The following PVT1 variants were observed in gnomAD, a reference collection of about 807,000 sequenced individuals.
PVT1 encodes CXCR4/PVT1 fusion.
Position 127,943,480 on chromosome 8 carries a change from C to T in PVT1, n.783-45682C>T, listed in dbSNP as rs551867916. Among the ~76,000 whole-genome samples, 57 of 152,310 alleles carry T rather than the reference C, an allele frequency of 3.7e-4. 2 individuals carry two copies. The South Asian group carries it at 0.012, about 31-fold the overall frequency. Reference sequence around the variant, plus strand: ...AGGTAGGGTCTACAGCAGAGTTTCTCAGCCTTGGCGCTGTTCATATTTTGG... The same window carrying T: ...AGGTAGGGTCTACAGCAGAGTTTCTTAGCCTTGGCGCTGTTCATATTTTGG... On this transcript the variant is annotated intron_variant and non_coding_transcript_variant, in intron 3 of 10. Transcript: ENST00000651587.
intron 3 of PVT1, among the ~76,000 whole-genome samples, chr8:127,972,554 A>G (rs1254876600): frequency 1.3e-5 from 2 of 152,096 alleles, no homozygotes; most frequent in Admixed American, 6.5e-5. Flanking sequence ...CCTGACCAAC[A>G]TGGTGCAACC....
At chr8:127,890,290 TCTC>T (rs1296227635) in intron 2 of PVT1, among the ~76,000 whole-genome samples, 1 of 152,084 alleles carries the variant, frequency 6.6e-6, no homozygotes, top group Non-Finnish European at 1.5e-5. Flanking sequence ...TCACAAACAT[TCTC>T]CTCTCAACTT....
chr8:127,859,923 T>A (rs1387451500), intron 2 of PVT1, among the ~76,000 whole-genome samples: 1 of 151,834 alleles, frequency 6.6e-6, no homozygotes, highest in East Asian at 2.0e-4. Flanking sequence ...TGAGGGGAGA[T>A]CACTTTCTCT....
intron 2 of PVT1, among the ~76,000 whole-genome samples, chr8:127,874,023 G>T (rs1223358084): frequency 6.6e-6 from 1 of 152,216 alleles, no homozygotes; most frequent in East Asian, 1.9e-4. Context: ...TGTAGTCACT[G>T]TCCTCAAGCT....
chr8:127,949,379 C>CTGTGTGTGTGTGTGTGTGTGTGTGTG lies in PVT1; in HGVS notation n.783-39763_783-39738dup, dbSNP rs61425056. On this transcript the variant is annotated intron_variant and non_coding_transcript_variant, in intron 3 of 10. Transcript: ENST00000651587. ...GTTTGGAATGTTTGAACTCCAGGAG[C>CTGTGTGTGTGTGTGTGTGTGTGTGTG]TGTGTGTGTGTGTGTGTGTGTGTGT... Among the ~76,000 whole-genome samples, 15 of 111,322 alleles carry CTGTGTGTGTGTGTGTGTGTGTGTGTG rather than the reference C, an allele frequency of 1.3e-4. No homozygotes were observed. In the East Asian group the frequency reaches 1.8e-3, roughly 14 times the overall value. 73.0% of individuals were successfully genotyped at this position (111,322 alleles called of 152,430 possible).
intron 3 of PVT1, among the ~76,000 whole-genome samples, chr8:127,965,862 C>G (rs1195584277): frequency 6.6e-6 from 1 of 152,162 alleles, no homozygotes; most frequent in Non-Finnish European, 1.5e-5. Context: ...TCCATCCTAC[C>G]TTCCTGATGA....
chr8:127,981,374 C>G lies in PVT1; in HGVS notation n.783-7788C>G, dbSNP rs74831141. On this transcript the variant is annotated intron_variant and non_coding_transcript_variant, in intron 3 of 10. Transcript: ENST00000651587. ...TGCCAGTAGAGTTCGGCATTTTTTCCTGGCGCGTTCACCTCCTGACAGGGC... is the reference window on the plus strand; with the variant it reads ...TGCCAGTAGAGTTCGGCATTTTTTCGTGGCGCGTTCACCTCCTGACAGGGC... 2.6e-3 allele frequency among the ~76,000 whole-genome samples: 393 copies of G among 152,276 alleles called. 10 individuals are homozygous for G. The East Asian group carries it at 0.063, about 24-fold the overall frequency.
At chr8:128,051,374 A>G (rs1813693287) in intron 4 of PVT1, among the ~76,000 whole-genome samples, 1 of 152,168 alleles carries the variant, frequency 6.6e-6, no homozygotes, top group Non-Finnish European at 1.5e-5. Context: ...CCATAATTTT[A>G]TCTTTAACTT....
chr8:127,898,314 G>T lies in PVT1; in HGVS notation n.782+7316G>T, dbSNP rs771118459. 6.6e-6 allele frequency among the ~76,000 whole-genome samples: 1 copy of T among 151,726 alleles called. No individual in the cohort carries two copies. Among genetic ancestry groups the T allele is most frequent in the African/African-American group, 2.4e-5 (1 of 41,412 alleles). On this transcript the variant is annotated intron_variant and non_coding_transcript_variant, in intron 3 of 10. Transcript: ENST00000651587. This position sits in a 1 kb window ranked among gnomAD's most constrained non-coding sequence, Gnocchi z 4.4. ...AAAGAAATAAAATAATGTAAAGAAA[G>T]AAAATAATGTAAAGAAAGAAAAGAA...
At chr8:127,878,192 A>C (rs114536129) in intron 2 of PVT1, among the ~76,000 whole-genome samples, 1,781 of 152,080 alleles carry the variant, frequency 0.012, 36 homozygotes, top group African/African-American at 0.041. Flanking sequence ...GAAAAAAAAA[A>C]CCCCACAAAT....
intron 4 of PVT1, among the ~76,000 whole-genome samples, chr8:128,003,024 A>T (rs538023800): frequency 5.2e-4 from 55 of 105,466 alleles, no homozygotes; most frequent in Non-Finnish European, 8.9e-4. Flanking sequence ...TTTTTGACGG[A>T]GTCCTGCTCT....
chr8:127,796,932 A>G (rs545093744), intron 2 of PVT1, among the ~76,000 whole-genome samples: 42 of 143,176 alleles, frequency 2.9e-4, no homozygotes, highest in Non-Finnish European at 5.6e-4. Flanking sequence ...AGGCTGGAGT[A>G]AAATGGCTGG....
At chr8:127,828,048 G>T (rs1363928449) in intron 2 of PVT1, among the ~76,000 whole-genome samples, 1 of 152,104 alleles carries the variant, frequency 6.6e-6, no homozygotes, top group Non-Finnish European at 1.5e-5. Flanking sequence ...CATTCAAAAT[G>T]AAAATAGCTT....
At chr8:127,812,502 G>A (rs1056311540) in intron 2 of PVT1, among the ~76,000 whole-genome samples, 1 of 151,744 alleles carries the variant, frequency 6.6e-6, no homozygotes, top group Non-Finnish European at 1.5e-5. Flanking sequence ...TGAGGCTGCA[G>A]TGACCTATGT....
At position 127,817,655 on chromosome 8, in the gene PVT1, G is replaced by T. The variant is rs1455952470; in HGVS notation, n.372+21584G>T. On this transcript the variant is annotated intron_variant and non_coding_transcript_variant, in intron 2 of 10. Transcript: ENST00000651587. ...CCAGCACTTTGGGAGGCTGAGGCAG[G>T]AGAGTCACTTGAGCTCAGGAGTGGG... Among the ~76,000 whole-genome samples, 6 of 148,950 alleles carry T rather than the reference G, an allele frequency of 4.0e-5. No homozygotes were observed. The Admixed American group carries it at 4.1e-4, about 10-fold the overall frequency.
intron 4 of PVT1, among the ~76,000 whole-genome samples, chr8:128,038,817 C>A (rs1478948613): frequency 3.3e-5 from 5 of 152,120 alleles, no homozygotes; most frequent in Non-Finnish European, 5.9e-5. Flanking sequence ...TTGAATCTGG[C>A]CTGGTGGACA....
chr8:128,022,523 A>G (rs1008360450), intron 4 of PVT1, among the ~76,000 whole-genome samples: 2 of 152,226 alleles, frequency 1.3e-5, no homozygotes, highest in Admixed American at 1.3e-4. Context: ...CCTTGCACAC[A>G]TAAGATGCAC....
At position 128,037,754 on chromosome 8, in the gene PVT1, C is replaced by T. The variant is rs189391224; in HGVS notation, n.913-32406C>T. On this transcript the variant is annotated intron_variant and non_coding_transcript_variant, in intron 4 of 10. Transcript: ENST00000651587. Reference sequence around the variant, plus strand: ...TCTCTGCCCCTGCCTTCCAGGTAAACACAAATGCTGCTCGCGTTGGTGGCT... The same window carrying T: ...TCTCTGCCCCTGCCTTCCAGGTAAATACAAATGCTGCTCGCGTTGGTGGCT... Among the ~76,000 whole-genome samples, 281 of 152,308 alleles carry T rather than the reference C, an allele frequency of 1.8e-3. 3 individuals are homozygous for T. The highest frequency in any genetic ancestry group is 5.8e-3 in the African/African-American group (240 of 41,576).
chr8:127,910,956 A>G (rs1271806066), intron 3 of PVT1, among the ~76,000 whole-genome samples: 1 of 151,548 alleles, frequency 6.6e-6, no homozygotes, highest in Non-Finnish European at 1.5e-5. Context: ...GGTGAAGAGC[A>G]ATAGAAATCA....
Sources: allele counts gnomAD v4.1 joint callset (sites outside exome capture counted in the v4.1 genomes callset), GRCh38; gene constraint gnomAD v4.1.1; non-coding constraint Gnocchi (gnomAD v3.1); transcripts MANE v1.5; gene names NCBI Gene and HGNC (gene_info 2026-07-23, HGNC 2026-07-21).